The following LRRC28 variants were observed in gnomAD, a reference collection of about 807,000 sequenced individuals.
LRRC28 encodes the protein leucine-rich repeat-containing protein 28.
In LRRC28, 39 loss-of-function variants were observed where a neutral mutation model predicts 45.7. That is an observed-to-expected ratio of 0.85 (90% CI 0.66 to 1.12). LRRC28 has a LOEUF of 1.12. LRRC28 is among the 50% of genes most tolerant of loss of function. The pLI is 0.00. For missense variants in LRRC28, 435 were observed against 438.5 expected, an observed-to-expected ratio of 0.99 and a Z score of 0.07; for synonymous variants, 206 against 178.8, an observed-to-expected ratio of 1.15 and a Z score of -1.22.
chr15:99,380,694 G>A (rs904557254), intron 9 of LRRC28, among the ~76,000 whole-genome samples: 7 of 152,170 alleles, frequency 4.6e-5, no homozygotes, highest in Non-Finnish European at 1.0e-4. Context: ...TCCATGTTTA[G>A]TGCTTCCTTC....
At chr15:99,288,110 G>C (rs1161329659) in intron 5 of LRRC28, among the ~76,000 whole-genome samples, 159 bp downstream of exon 5, 1 of 152,164 alleles carries the variant, frequency 6.6e-6, no homozygotes, top group Non-Finnish European at 1.5e-5. Context: ...ATTACTAAGA[G>C]TCTTTTTTGT....
intron 5 of LRRC28, among the ~76,000 whole-genome samples, chr15:99,306,438 T>C (rs75297863): frequency 1.3e-5 from 2 of 152,250 alleles, no homozygotes; most frequent in East Asian, 3.8e-4. Context: ...TAAACATACA[T>C]ACACACAAAA....
intron 2 of LRRC28, among the ~76,000 whole-genome samples, chr15:99,257,030 T>C (rs2081042684): frequency 6.6e-6 from 1 of 152,328 alleles, no homozygotes; most frequent in African/African-American, 2.4e-5. Flanking sequence ...TTGCTAAATA[T>C]CTGGAAATTG....
intron 9 of LRRC28, among the ~76,000 whole-genome samples, chr15:99,379,918 A>G (rs1029039994): frequency 6.6e-6 from 1 of 152,092 alleles, no homozygotes; most frequent in Non-Finnish European, 1.5e-5. Flanking sequence ...GTTTGTTGTA[A>G]TTTCTGTTCT....
At chr15:99,280,438 C>G (rs891828423) in intron 3 of LRRC28, among the ~76,000 whole-genome samples, 10 of 122,054 alleles carry the variant, frequency 8.2e-5, no homozygotes, top group African/African-American at 2.8e-4. Context: ...TTTTATTGTA[C>G]ATTTATCACC....
chr15:99,301,627 C>G (rs906000018), intron 5 of LRRC28, among the ~76,000 whole-genome samples: 2 of 152,150 alleles, frequency 1.3e-5, no homozygotes, highest in African/African-American at 4.8e-5. Context: ...GATATTCATT[C>G]TACCATTAAA....
intron 2 of LRRC28, among the ~76,000 whole-genome samples, chr15:99,260,445 G>A (rs2081163227): frequency 6.6e-6 from 1 of 152,078 alleles, no homozygotes; most frequent in African/African-American, 2.4e-5. Context: ...TTAAATTGTT[G>A]TATGTGTTTA....
In LRRC28 at chr15:99,369,660, T is replaced by C. The variant is rs572191104; in HGVS notation, c.1031+6395T>C. Reference sequence around the variant, plus strand: ...ATCTGCTCAACTCAGAGTGTACTGATTTAAATATTAATCATATCTTTAAAA... The same window carrying C: ...ATCTGCTCAACTCAGAGTGTACTGACTTAAATATTAATCATATCTTTAAAA... On this transcript the variant is annotated intron_variant, in intron 9 of 9. Transcript: ENST00000301981. Among the ~76,000 whole-genome samples the C allele has an allele frequency of 3.9e-5, 6 of 152,350 alleles. No individual in the cohort carries two copies. The South Asian group carries it at 1.0e-3, about 26-fold the overall frequency.
intron 7 of LRRC28, among the ~76,000 whole-genome samples, chr15:99,353,482 G>T (rs1007989010): frequency 6.6e-6 from 1 of 152,188 alleles, no homozygotes; most frequent in Non-Finnish European, 1.5e-5. Context: ...GCCTATACAG[G>T]CTGATGAACT....
chr15:99,253,659 G>C (rs2080931586), intron 1 of LRRC28, among the ~76,000 whole-genome samples: 2 of 152,202 alleles, frequency 1.3e-5, no homozygotes, highest in African/African-American at 4.8e-5. Context: ...GGTTTATTTA[G>C]TAAGATGTGT....
intron 9 of LRRC28, among the ~76,000 whole-genome samples, chr15:99,366,909 T>G (rs1008094314): frequency 2.6e-5 from 4 of 152,186 alleles, no homozygotes; most frequent in Non-Finnish European, 5.9e-5. Flanking sequence ...CTCCTGCTCT[T>G]ACATAGTCAC....
chr15:99,258,769 A>G, intron 2 of LRRC28: 1 of 696,230 alleles, frequency 1.4e-6, no homozygotes, highest in South Asian at 1.4e-5. Context: ...CCTTCAAATC[A>G]ATTTTATTTG....
chr15:99,313,063 C>A (rs1391105149), intron 5 of LRRC28, among the ~76,000 whole-genome samples: 2 of 151,884 alleles, frequency 1.3e-5, no homozygotes, highest in African/African-American at 4.8e-5. Flanking sequence ...GGATCAAAGA[C>A]ACAAATAGGG....
chr15:99,281,518 A>G (rs2081791398), intron 3 of LRRC28, among the ~76,000 whole-genome samples: 1 of 152,116 alleles, frequency 6.6e-6, no homozygotes, highest in Admixed American at 6.5e-5. Flanking sequence ...TATAGTTATT[A>G]TAGCTATTTT....
At chr15:99,318,972 G>A (rs1333987684) in intron 5 of LRRC28, among the ~76,000 whole-genome samples, 5 of 152,018 alleles carry the variant, frequency 3.3e-5, no homozygotes, top group African/African-American at 7.2e-5. Flanking sequence ...AAATGTATAT[G>A]CACTAAAATG....
intron 9 of LRRC28, among the ~76,000 whole-genome samples, chr15:99,367,284 A>G (rs1957365446): frequency 6.6e-6 from 1 of 152,252 alleles, no homozygotes; most frequent in African/African-American, 2.4e-5. Flanking sequence ...TTATTCTGCT[A>G]TGACAGAGTA....
chr15:99,280,867 G>A (rs891986029), intron 3 of LRRC28, among the ~76,000 whole-genome samples: 3 of 151,980 alleles, frequency 2.0e-5, no homozygotes, highest in African/African-American at 4.8e-5. Flanking sequence ...ATACTGTCTC[G>A]TAGTCACTAA....
At chr15:99,312,215 C>T (rs970342451) in intron 5 of LRRC28, among the ~76,000 whole-genome samples, 2 of 152,206 alleles carry the variant, frequency 1.3e-5, no homozygotes, top group Non-Finnish European at 2.9e-5. Context: ...GCTTGCTACA[C>T]ACTAAGCCAT....
At chr15:99,290,628 T>C (rs1326561190) in intron 5 of LRRC28, among the ~76,000 whole-genome samples, 1 of 152,176 alleles carries the variant, frequency 6.6e-6, no homozygotes, top group Non-Finnish European at 1.5e-5. Context: ...TATGAACTTT[T>C]TTTTACATAC....
Sources: gnomAD v4.1 joint callset for allele counts (sites outside exome capture counted in the v4.1 genomes callset) on GRCh38, gnomAD v4.1.1 for gene constraint, MANE v1.5 for transcripts, NCBI Gene and HGNC (gene_info 2026-07-23, HGNC 2026-07-21) for gene names.